Variants in DLD observed in about 807,000 individuals in gnomAD.
DLD encodes the protein dihydrolipoamide dehydrogenase.
Under a neutral mutation model 62.2 loss-of-function variants are expected in DLD, and 36 were observed. The observed-to-expected ratio is 0.58, with a 90% CI of 0.44 to 0.76. The LOEUF (loss-of-function observed/expected upper bound fraction) is 0.76, where lower values mean the gene tolerates loss of function less well. Among genes scored for constraint, DLD ranks in the 30% least tolerant of loss-of-function variants. The pLI, the probability that DLD is intolerant of heterozygous loss-of-function variation, is 0.00. For missense variants in DLD, 541 were observed against 608.6 expected, an observed-to-expected ratio of 0.89 and a Z score of 1.17; for synonymous variants, 204 against 199.6, an observed-to-expected ratio of 1.02 and a Z score of -0.19.
chr7:107,907,872 G>A (rs539492575), intron 8 of DLD, among the ~76,000 whole-genome samples: 1 of 152,176 alleles, frequency 6.6e-6, no homozygotes, highest in Non-Finnish European at 1.5e-5. Context: ...AGTTGTCCAT[G>A]CTTTATTTCA....
intron 10 of DLD, 23 bp from the exon 11 acceptor site, chr7:107,917,250 G>A (rs1198244858): frequency 6.2e-7 from 1 of 1,613,144 alleles, no homozygotes; most frequent in Non-Finnish European, 8.5e-7. Flanking sequence ...AATTCATTGT[G>A]TTTCTTTTGA....
chr7:107,894,057 T>A (rs2031657009), intron 2 of DLD, among the ~76,000 whole-genome samples: 1 of 152,246 alleles, frequency 6.6e-6, no homozygotes, highest in Admixed American at 6.5e-5. Flanking sequence ...AAAAGGAAGC[T>A]ATGGGTCATG....
chr7:107,892,088 C>T (rs973481117), intron 1 of DLD, among the ~76,000 whole-genome samples: 3 of 152,198 alleles, frequency 2.0e-5, no homozygotes, highest in African/African-American at 4.8e-5. Context: ...GGGACTGAAA[C>T]TCAGGATTGT....
Position 107,919,012 on chromosome 7 carries a change from T to A in DLD, c.1377T>A (p.Gly459=), listed in dbSNP as rs2032340474. The A allele has an allele frequency of 1.2e-6, 2 of 1,613,716 alleles. No homozygotes were observed. The highest frequency in any genetic ancestry group is 8.5e-7 in the Non-Finnish European group (1 of 1,179,710). ...RVLGAHILGP[G]AGEMVNEAAL... is the part of the protein sequence containing the mutation. Reference sequence around the variant, plus strand: ...TTACTTGGCTTGTTATTTTAAAGGGTGCTGGAGAAATGGTAAATGAAGCTG... The same window carrying A: ...TTACTTGGCTTGTTATTTTAAAGGGAGCTGGAGAAATGGTAAATGAAGCTG... The change falls in exon 13 of 14, where the codon GGT becomes GGA. Residue 459 remains glycine (G), a splice_region_variant and synonymous_variant. Coordinates refer to ENST00000205402, the MANE Select transcript of DLD (RefSeq NM_000108.5).
intron 2 of DLD, among the ~76,000 whole-genome samples, chr7:107,897,855 A>G (rs865978134): frequency 6.6e-6 from 1 of 152,210 alleles, no homozygotes; most frequent in African/African-American, 2.4e-5. Flanking sequence ...CTGGGATTAC[A>G]CAGACTGACT....
chr7:107,891,677 T>G, intron 1 of DLD: 1 of 339,304 alleles, frequency 2.9e-6, no homozygotes, highest in Non-Finnish European at 5.6e-6. Flanking sequence ...TCATCCTAAT[T>G]CTGATCCCTG....
chr7:107,914,107 G>A lies in DLD; in HGVS notation c.685-1399G>A, dbSNP rs141497746. On this transcript the variant is annotated intron_variant, in intron 8 of 13. Coordinates refer to ENST00000205402, the MANE Select transcript of DLD (RefSeq NM_000108.5). Reference sequence around the variant, plus strand: ...ATGGTGAATGATCTTTTTATGTGTTGTTGAATTCAATTCATTGTGGTTTTA... The same window carrying A: ...ATGGTGAATGATCTTTTTATGTGTTATTGAATTCAATTCATTGTGGTTTTA... Among the ~76,000 whole-genome samples the A allele has an allele frequency of 4.6e-5, 7 of 152,128 alleles. No individual in the cohort carries two copies. In the East Asian group the frequency reaches 1.4e-3, roughly 29 times the overall value.
At chr7:107,911,557 G>A (rs958573906) in intron 8 of DLD, among the ~76,000 whole-genome samples, 19 of 151,974 alleles carry the variant, frequency 1.3e-4, no homozygotes, top group Non-Finnish European at 2.4e-4. Context: ...AAGGAACACC[G>A]TTACACTTTT....
In DLD at chr7:107,893,290, A is replaced by G. The variant is rs191371200; in HGVS notation, c.118+12A>G. 33 of 1,606,384 alleles carry G rather than the reference A, an allele frequency of 2.1e-5. No homozygotes were observed. The African/African-American group carries it at 4.3e-4, about 21-fold the overall frequency. ...CGCAGATCAGCCGAGTAAGTACTTA[A>G]GTAAAACATTTTTTTCATCACATTA... On this transcript the variant is annotated intron_variant, in intron 2 of 13. Coordinates refer to ENST00000205402, the MANE Select transcript of DLD (RefSeq NM_000108.5).
At chr7:107,905,552 TAC>T in intron 7 of DLD, 48 bp downstream of exon 7, 1 of 1,575,566 alleles carries the variant, frequency 6.3e-7, no homozygotes, top group Non-Finnish European at 8.7e-7. Flanking sequence ...TCTTTAGAAA[TAC>T]GTTTTATAAG....
chr7:107,903,356 C>T (rs2031924664), intron 4 of DLD, 122 bp from the exon 5 acceptor site: 2 of 644,390 alleles, frequency 3.1e-6, no homozygotes, highest in Non-Finnish European at 5.5e-6. Flanking sequence ...CCAGCTTGGG[C>T]AATAAGAACG....
intron 1 of DLD, 79 bp downstream of exon 1, chr7:107,891,368 C>T: frequency 1.3e-6 from 2 of 1,520,728 alleles, no homozygotes; most frequent in Non-Finnish European, 1.8e-6. Context: ...CGCGGCTTAA[C>T]CGTGTTGGGC....
intron 1 of DLD, 127 bp downstream of exon 1, chr7:107,891,416 C>A: frequency 1.9e-6 from 2 of 1,046,594 alleles, no homozygotes; most frequent in South Asian, 1.3e-5. Context: ...CACCCCTGGC[C>A]CCGCCTCTGC....
intron 2 of DLD, among the ~76,000 whole-genome samples, chr7:107,897,574 C>CTTTTTTTT (rs35546358): frequency 9.0e-6 from 1 of 111,354 alleles, no homozygotes; most frequent in African/African-American, 3.5e-5. Context: ...TGTAGACTGA[C>CTTTTTTTT]TTTTTTTTTT....
rs1448664919 is a variant in DLD at position 107,919,027 on chromosome 7, A to T, written c.1392A>T (p.Val464=). ...HILGPGAGEM[V]NEAALALEYG... ...TTTTAAAGGGTGCTGGAGAAATGGT[A>T]AATGAAGCTGCTCTTGCTTTGGAAT... The change falls in exon 13 of 14, where the codon GTA becomes GTT. Residue 464 remains valine, a synonymous_variant. Coordinates refer to ENST00000205402, the MANE Select transcript of DLD (RefSeq NM_000108.5). 1 of 1,613,934 alleles carries T rather than the reference A, an allele frequency of 6.2e-7. No homozygotes were observed. Among genetic ancestry groups the T allele is most frequent in the South Asian group, 1.1e-5 (1 of 91,076 alleles).
In DLD at chr7:107,920,701, TA is replaced by T. The variant is rs1330822558; in HGVS notation, c.*1443del. Reference sequence around the variant, plus strand: ...TGTTCCAGCTGTTGTGGTTGCCCCATATTCTGCCTTCTGATCCTTAACCAAT... The same window carrying T: ...TGTTCCAGCTGTTGTGGTTGCCCCATTTCTGCCTTCTGATCCTTAACCAAT... On this transcript the variant is annotated 3_prime_UTR_variant, in exon 14 of 14. Coordinates refer to ENST00000205402, the MANE Select transcript of DLD (RefSeq NM_000108.5). 6 of 152,364 alleles carry T rather than the reference TA, an allele frequency of 3.9e-5. No homozygotes were observed. The highest frequency in any genetic ancestry group is 6.8e-3 in the Middle Eastern group (2 of 296). The allele number at this position is 152,364 out of a possible 1,614,324, so 9.4% of individuals were successfully genotyped here.
intron 1 of DLD, among the ~76,000 whole-genome samples, chr7:107,892,952 T>C (rs2031625463): frequency 6.6e-6 from 1 of 152,200 alleles, no homozygotes; most frequent in African/African-American, 2.4e-5. Context: ...TTAAGTTAAA[T>C]ATGAGATGAT....
chr7:107,903,354 G>T, intron 4 of DLD, 124 bp from the exon 5 acceptor site: 1 of 636,074 alleles, frequency 1.6e-6, no homozygotes, highest in South Asian at 1.6e-5. Context: ...CTCCAGCTTG[G>T]GCAATAAGAA....
chr7:107,897,872 G>C (rs10277218), intron 2 of DLD, among the ~76,000 whole-genome samples: 1 of 152,016 alleles, frequency 6.6e-6, no homozygotes, highest in African/African-American at 2.4e-5. Context: ...GACTTCTTGA[G>C]ATACATCTTG....
Sources: allele counts gnomAD v4.1 joint callset (sites outside exome capture counted in the v4.1 genomes callset), GRCh38; gene constraint gnomAD v4.1.1; transcripts MANE v1.5; gene names NCBI Gene and HGNC (gene_info 2026-07-23, HGNC 2026-07-21).